Variants in CACNA1C observed in about 807,000 individuals in gnomAD.
CACNA1C encodes the protein calcium voltage-gated channel subunit alpha1 C.
In CACNA1C, 30 loss-of-function variants were observed where a neutral mutation model predicts 229.0. The ratio of observed to expected loss-of-function variants is 0.13; its 90% CI spans 0.10 to 0.18. The LOEUF (loss-of-function observed/expected upper bound fraction) is 0.18. Among genes scored for constraint, CACNA1C ranks in the 10% least tolerant of loss-of-function variants. The pLI is 1.00. For synonymous variants in CACNA1C, 1,114 were observed against 1,132.5 expected, an observed-to-expected ratio of 0.98 and a Z score of 0.33; for missense variants, 1,658 against 2,845.0, an observed-to-expected ratio of 0.58 and a Z score of 9.49.
intron 9 of CACNA1C, among the ~76,000 whole-genome samples, chr12:2,548,594 T>A (rs912919777): frequency 3.9e-5 from 6 of 152,186 alleles, no homozygotes; most frequent in Admixed American, 2.0e-4. Context: ...TTTTTTTTAA[T>A]TCAATTTTAT....
At chr12:2,145,929 C>CCTCA (rs1209073696) in intron 3 of CACNA1C, among the ~76,000 whole-genome samples, 1 of 151,282 alleles carries the variant, frequency 6.6e-6, no homozygotes, top group Non-Finnish European at 1.5e-5. Flanking sequence ...CCCTCCTGAG[C>CCTCA]CTCAGTTTCC....
intron 3 of CACNA1C, among the ~76,000 whole-genome samples, chr12:2,387,286 A>G (rs755624009): frequency 6.6e-6 from 1 of 152,078 alleles, no homozygotes; most frequent in Non-Finnish European, 1.5e-5. Context: ...GGAGTTCGAG[A>G]CCAGCCTGGC....
At chr12:2,324,643 G>A (rs745316617) in intron 3 of CACNA1C, among the ~76,000 whole-genome samples, 2 of 152,234 alleles carry the variant, frequency 1.3e-5, no homozygotes, top group Non-Finnish European at 2.9e-5. Context: ...CTGTGATTCT[G>A]TCTGAAGTAG....
intron 42 of CACNA1C, chr12:2,682,182 T>A: frequency 1.6e-6 from 1 of 628,810 alleles, no homozygotes; most frequent in East Asian, 2.7e-5. Context: ...TAGCTGGAGG[T>A]GAGTGGGGGG....
chr12:2,651,630 C>G lies in CACNA1C; in HGVS notation c.3946-10C>G, dbSNP rs370630496. ...TGCTAACTGCACCTCCTGTTGCCGA[C>G]GGGTTCCAGAACGCAGAGGAAAACT... On this transcript the variant is annotated splice_polypyrimidine_tract_variant and intron_variant, in intron 31 of 46. Coordinates refer to ENST00000399655, the MANE Select transcript of CACNA1C (RefSeq NM_000719.7). This position sits in a 1 kb window ranked among gnomAD's most constrained non-coding sequence, Gnocchi z 5.4. 2 of 1,613,816 alleles carry G rather than the reference C, an allele frequency of 1.2e-6. No individual in the cohort carries two copies. The highest frequency in any genetic ancestry group is 2.7e-5 in the African/African-American group (2 of 74,908).
At chr12:2,567,037 C>T (rs989759722) in intron 12 of CACNA1C, among the ~76,000 whole-genome samples, 6 of 152,198 alleles carry the variant, frequency 3.9e-5, no homozygotes, top group Non-Finnish European at 8.8e-5. Flanking sequence ...TTCAATGGGT[C>T]GTTCATTCTC....
chr12:1,974,403 A>T (rs910994491), intron 1 of CACNA1C, among the ~76,000 whole-genome samples: 1 of 152,066 alleles, frequency 6.6e-6, no homozygotes, highest in Non-Finnish European at 1.5e-5. Flanking sequence ...TGTTGATGGG[A>T]TTCTGTCATT....
chr12:2,035,750 G>T (rs2049027548), intron 1 of CACNA1C, among the ~76,000 whole-genome samples: 2 of 152,210 alleles, frequency 1.3e-5, no homozygotes. Flanking sequence ...AGGCAGGACG[G>T]TACTTAAACC....
chr12:2,566,633 C>T lies in CACNA1C; in HGVS notation c.1669+51C>T. The T allele has an allele frequency of 6.7e-7, 1 of 1,502,588 alleles. No individual in the cohort carries two copies. Among genetic ancestry groups the T allele is most frequent in the Non-Finnish European group, 9.0e-7 (1 of 1,106,774 alleles). 93.1% of individuals were successfully genotyped at this position (1,502,588 alleles called of 1,614,324 possible). A position where few individuals can be genotyped will look rare whatever the true frequency, so the allele number is the denominator to read the frequency against. ...TGGTTTCCTCCTGGTAACTCAGCCC[C>T]AAGGCCCAGGGGAGGGCATAACCAC... On this transcript the variant is annotated intron_variant, in intron 12 of 46. Coordinates refer to ENST00000399655, the MANE Select transcript of CACNA1C (RefSeq NM_000719.7). This position sits in a 1 kb window ranked among gnomAD's most constrained non-coding sequence, Gnocchi z 4.0.
At chr12:2,196,193 T>C (rs971908254) in intron 3 of CACNA1C, among the ~76,000 whole-genome samples, 2 of 152,194 alleles carry the variant, frequency 1.3e-5, no homozygotes, top group Non-Finnish European at 2.9e-5. Flanking sequence ...GCAGTGTACC[T>C]GGGGCAAGGA....
chr12:2,612,061 A>G (rs1382541740), intron 29 of CACNA1C, 48 bp downstream of exon 29: 3 of 1,135,690 alleles, frequency 2.6e-6, no homozygotes, highest in East Asian at 4.7e-5. Flanking sequence ...AGGGGTGGAC[A>G]GAACGGGGAG....
chr12:2,298,919 G>A (rs2094328051), intron 3 of CACNA1C, among the ~76,000 whole-genome samples: 1 of 152,210 alleles, frequency 6.6e-6, no homozygotes, highest in African/African-American at 2.4e-5. Context: ...TAACACTGTT[G>A]TGGCTCCCAC....
chr12:2,535,588 C>T (rs1274903792), intron 9 of CACNA1C, among the ~76,000 whole-genome samples: 4 of 150,012 alleles, frequency 2.7e-5, no homozygotes, highest in Admixed American at 6.6e-5. Flanking sequence ...GGCCTGTAAT[C>T]CTAGCTACTT....
At position 2,605,205 on chromosome 12, in the gene CACNA1C, C is replaced by A; in HGVS notation, c.3048+37C>A. The A allele has an allele frequency of 3.5e-6, 5 of 1,432,498 alleles. No individual in the cohort carries two copies. The highest frequency in any genetic ancestry group is 4.9e-6 in the Non-Finnish European group (5 of 1,015,106). The allele number at this position is 1,432,498 out of a possible 1,614,324, so 88.7% of individuals were successfully genotyped here. A position where few individuals can be genotyped will look rare whatever the true frequency, so the allele number is the denominator to read the frequency against. ...GCTTGGGTAGGGAGTCTCCAGCCAG[C>A]CCATTGGGGAGTGGGAGCTCCACAG... On this transcript the variant is annotated intron_variant, in intron 23 of 46. Transcript: ENST00000399655. This position sits in a 1 kb window ranked among gnomAD's most constrained non-coding sequence, Gnocchi z 6.2.
intron 3 of CACNA1C, among the ~76,000 whole-genome samples, chr12:2,340,127 T>C (rs2096820939): frequency 1.3e-5 from 2 of 152,230 alleles, no homozygotes. Flanking sequence ...CGAAGCTGTT[T>C]TCACAGTTTC....
chr12:2,564,138 A>G (rs768592116), intron 11 of CACNA1C, among the ~76,000 whole-genome samples: 7 of 152,232 alleles, frequency 4.6e-5, no homozygotes, highest in Non-Finnish European at 7.3e-5. Context: ...AGTATGCCAC[A>G]CACAGACACA....
intron 1 of CACNA1C, chr12:2,004,278 G>A (rs1387560188): frequency 9.3e-6 from 15 of 1,612,816 alleles, no homozygotes; most frequent in Non-Finnish European, 1.2e-5. Context: ...GCGTCCGCAC[G>A]CACCCACTCG....
intron 3 of CACNA1C, among the ~76,000 whole-genome samples, chr12:2,408,746 C>G (rs1429698304): frequency 9.2e-5 from 14 of 152,170 alleles, no homozygotes; most frequent in Non-Finnish European, 1.5e-5. Flanking sequence ...AGAGTTTTGT[C>G]CACATTTCAT....
Position 2,651,584 on chromosome 12 carries a change from G to C in CACNA1C, c.3946-56G>C, listed in dbSNP as rs574421968. The C allele has an allele frequency of 6.2e-7, 1 of 1,613,548 alleles. No homozygotes were observed. The highest frequency in any genetic ancestry group is 8.5e-7 in the Non-Finnish European group (1 of 1,179,680). ...CTGTATTTCTCGGAGGGGCCCTCCT[G>C]TTCTCACCCCCCTCTTGCTGTGCTA... On this transcript the variant is annotated intron_variant, in intron 31 of 46. Transcript: ENST00000399655. This position sits in a 1 kb window ranked among gnomAD's most constrained non-coding sequence, Gnocchi z 5.4.
Sources: gnomAD v4.1 joint callset for allele counts (sites outside exome capture counted in the v4.1 genomes callset) on GRCh38, gnomAD v4.1.1 for gene constraint, Gnocchi (gnomAD v3.1) non-coding constraint, MANE v1.5 for transcripts, NCBI Gene and HGNC (gene_info 2026-07-23, HGNC 2026-07-21) for gene names.